RBM6: variants seen among roughly 807,000 people sequenced by gnomAD.
RBM6 encodes RNA-binding protein 6.
Under a neutral mutation model 140.4 loss-of-function variants are expected in RBM6, and 23 were observed. The ratio of observed to expected loss-of-function variants is 0.16; its 90% CI spans 0.12 to 0.23. The LOEUF (loss-of-function observed/expected upper bound fraction) is 0.23, where lower values mean the gene tolerates loss of function less well. Among genes scored for constraint, RBM6 ranks in the 10% least tolerant of loss-of-function variants. RBM6 has a pLI of 1.00. For missense variants in RBM6, 1,139 were observed against 1,386.7 expected, an observed-to-expected ratio of 0.82 and a Z score of 2.84; for synonymous variants, 439 against 475.6, an observed-to-expected ratio of 0.92 and a Z score of 1.00.
chr3:50,003,132 GAATAAATA>G (rs894821259), intron 6 of RBM6, among the ~76,000 whole-genome samples: 7 of 151,388 alleles, frequency 4.6e-5, no homozygotes, highest in Middle Eastern at 3.4e-3. Context: ...CAATAAAATT[GAATAAATA>G]AATAAATAAA....
At chr3:50,054,307 G>A in intron 7 of RBM6, 28 bp from the exon 8 acceptor site, 1 of 1,577,194 alleles carries the variant, frequency 6.3e-7, no homozygotes, top group Non-Finnish European at 8.7e-7. Context: ...AATGTTTTCA[G>A]TCAAATTGAT....
intron 6 of RBM6, among the ~76,000 whole-genome samples, chr3:50,002,355 G>A (rs1171189299): frequency 2.6e-5 from 4 of 151,334 alleles, no homozygotes; most frequent in Admixed American, 2.0e-4. Context: ...TCTACCTCCT[G>A]GGTTCAAGTG....
chr3:49,969,965 G>A (rs1432886156), intron 3 of RBM6, among the ~76,000 whole-genome samples: 1 of 151,524 alleles, frequency 6.6e-6, no homozygotes, highest in East Asian at 1.9e-4. Flanking sequence ...TTTTGAGATG[G>A]AGCCTCACCG....
At chr3:50,055,329 C>T (rs2089657980) in intron 8 of RBM6, among the ~76,000 whole-genome samples, 1 of 152,160 alleles carries the variant, frequency 6.6e-6, no homozygotes, top group Non-Finnish European at 1.5e-5. Flanking sequence ...CCTTGGGAGG[C>T]TGAGACACTA....
Position 49,962,681 on chromosome 3 carries a change from T to G in RBM6, c.40T>G (p.Phe14Val), listed in dbSNP as rs964788991. Residue 14 changes from phenylalanine (F) to valine (V), a missense_variant, in exon 2 of 21, where the codon TTT becomes GTT. This residue lies in a region of RBM6 where 566 missense variants were observed against 612.7 expected (regional missense o/e 0.92). Coordinates refer to ENST00000266022, the MANE Select transcript of RBM6 (RefSeq NM_005777.3). ...TCGACCTGCTAACAGAACTGGACCT[T>G]TTCGGTAAGTTCTCAAATTTGAATA... ...DSRPANRTGP[F>V]RGSQEERFAP... is the part of the protein sequence containing the mutation. The G allele has an allele frequency of 1.3e-5, 20 of 1,571,058 alleles. No homozygotes were observed. The highest frequency in any genetic ancestry group is 1.6e-5 in the Non-Finnish European group (19 of 1,165,350).
intron 6 of RBM6, among the ~76,000 whole-genome samples, chr3:50,011,403 A>C: frequency 6.6e-6 from 1 of 151,450 alleles, no homozygotes; most frequent in Non-Finnish European, 1.5e-5. Context: ...TCACAGTTAA[A>C]AATAAAGGAC....
intron 6 of RBM6, among the ~76,000 whole-genome samples, chr3:50,016,081 C>G (rs57575459): frequency 0.07 from 10,646 of 152,258 alleles, 390 homozygotes; most frequent in Non-Finnish European, 0.077. Context: ...AACATTCTCC[C>G]GTTCTCCTCC....
rs141493000 is a variant in RBM6, at chr3:49,952,568, C to T, written c.-66-10008C>T. On this transcript the variant is annotated intron_variant, in intron 1 of 20. Coordinates refer to ENST00000266022, the MANE Select transcript of RBM6 (RefSeq NM_005777.3). ...CAGGCTGGTGTGCAATGGTGCATCT[C>T]GACTCAACGCAACCTCTGTCTCCCG... 4.1e-3 allele frequency among the ~76,000 whole-genome samples: 604 copies of T among 148,244 alleles called. 3 individuals are homozygous for T. The highest frequency in any genetic ancestry group is 6.7e-3 in the Non-Finnish European group (449 of 67,136).
chr3:49,948,448 C>T (rs2083587478), intron 1 of RBM6, among the ~76,000 whole-genome samples: 3 of 152,042 alleles, frequency 2.0e-5, no homozygotes, highest in African/African-American at 4.8e-5. Flanking sequence ...TGCTTGAGGC[C>T]TGGTGCTGTG....
chr3:49,986,379 G>C (rs1464080472), intron 5 of RBM6, among the ~76,000 whole-genome samples: 2 of 151,600 alleles, frequency 1.3e-5, no homozygotes, highest in Non-Finnish European at 2.9e-5. Context: ...CGGATCATGA[G>C]GTCAGGAGAT....
intron 6 of RBM6, among the ~76,000 whole-genome samples, chr3:50,023,321 T>C (rs1277432168): frequency 1.3e-5 from 2 of 152,116 alleles, no homozygotes; most frequent in Non-Finnish European, 2.9e-5. Context: ...ATTTATTTAT[T>C]TGAGACAGAG....
intron 6 of RBM6, 41 bp from the exon 7 acceptor site, chr3:50,048,204 C>T (rs2089305464): frequency 6.2e-7 from 1 of 1,603,292 alleles, no homozygotes; most frequent in Non-Finnish European, 8.5e-7. Context: ...GTCTGTTTCT[C>T]CAAGGGTTGA....
intron 1 of RBM6, among the ~76,000 whole-genome samples, chr3:49,950,413 A>G (rs1381955216): frequency 6.6e-6 from 1 of 152,092 alleles, no homozygotes; most frequent in Non-Finnish European, 1.5e-5. Context: ...GTTCTTTGCA[A>G]GATAGACCAG....
chr3:49,971,450 A>T (rs2084790699), intron 3 of RBM6, among the ~76,000 whole-genome samples: 1 of 151,364 alleles, frequency 6.6e-6, no homozygotes, highest in Non-Finnish European at 1.5e-5. Context: ...GTCTCAAAAA[A>T]AAAAAGACAT....
chr3:50,073,737 C>T (rs946825576), intron 19 of RBM6, among the ~76,000 whole-genome samples: 1 of 152,280 alleles, frequency 6.6e-6, no homozygotes, highest in Non-Finnish European at 1.5e-5. Flanking sequence ...AAACCGTATA[C>T]CTTGCCTACA....
At chr3:49,990,928 T>C (rs1474599115) in intron 5 of RBM6, among the ~76,000 whole-genome samples, 1 of 152,204 alleles carries the variant, frequency 6.6e-6, no homozygotes. Context: ...TGATACCGAC[T>C]ACCAGAAGTT....
chr3:50,043,563 T>G (rs1411159495), intron 6 of RBM6, among the ~76,000 whole-genome samples: 1 of 151,892 alleles, frequency 6.6e-6, no homozygotes, highest in Non-Finnish European at 1.5e-5. Flanking sequence ...CATATATGTA[T>G]GTACACACAT....
intron 6 of RBM6, among the ~76,000 whole-genome samples, chr3:50,039,705 TA>T (rs1423595379): frequency 6.6e-6 from 1 of 152,216 alleles, no homozygotes; most frequent in Admixed American, 6.5e-5. Flanking sequence ...TTCTGAGTGC[TA>T]ATAGTTGGAG....
At chr3:50,060,352 T>C (rs1470796343) in intron 11 of RBM6, among the ~76,000 whole-genome samples, 1 of 152,110 alleles carries the variant, frequency 6.6e-6, no homozygotes, top group African/African-American at 2.4e-5. Flanking sequence ...AACTTGGAAA[T>C]GGCCATGTCA....
Sources: allele counts gnomAD v4.1 joint callset (sites outside exome capture counted in the v4.1 genomes callset), GRCh38; gene constraint gnomAD v4.1.1; regional missense constraint gnomAD v4.1.1; transcripts MANE v1.5; gene names NCBI Gene and HGNC (gene_info 2026-07-23, HGNC 2026-07-21).